Variants in ANOS1 observed in about 807,000 individuals in gnomAD.
The protein encoded by ANOS1 is anosmin-1.
Under a neutral mutation model 59.0 loss-of-function variants are expected in ANOS1, and 6 were observed. The observed-to-expected ratio is 0.10, with a 90% CI of 0.06 to 0.20. The LOEUF is 0.20. ANOS1 is among the 10% of genes least tolerant of loss of function. The pLI is 1.00. For synonymous variants in ANOS1, 217 were observed against 223.4 expected (o/e 0.97, Z 0.25); for missense variants, 433 against 542.3 (o/e 0.80, Z 2.00).
chrX:8,560,018 T>C (rs747925321), intron 8 of ANOS1, among the ~76,000 whole-genome samples: 1 of 112,336 alleles, frequency 8.9e-6, no homozygotes, highest in East Asian at 2.8e-4. Flanking sequence ...TGGCTGTTTA[T>C]ACCAAATATA....
intron 2 of ANOS1, among the ~76,000 whole-genome samples, chrX:8,666,892 G>T (rs1184643179): frequency 1.8e-5 from 2 of 111,119 alleles, no homozygotes; most frequent in Non-Finnish European, 3.8e-5. Flanking sequence ...GAGGTTGAGG[G>T]GGGCCCAGAC....
chrX:8,691,518 TGGATGGATGGAC>T (rs1932607969), intron 2 of ANOS1, among the ~76,000 whole-genome samples: 1 of 111,352 alleles, frequency 9.0e-6, no homozygotes, highest in African/African-American at 3.3e-5. Context: ...GATGGATGGA[TGGATGGATGGAC>T]GGATGGATGG....
chrX:8,687,863 A>G (rs1932547877), intron 2 of ANOS1, among the ~76,000 whole-genome samples: 1 of 112,071 alleles, frequency 8.9e-6, no homozygotes, highest in African/African-American at 3.2e-5. Context: ...AAGAGTTTCT[A>G]TGTTCACCCA....
At chrX:8,628,694 A>G (rs760628348) in intron 2 of ANOS1, among the ~76,000 whole-genome samples, 1 of 112,644 alleles carries the variant, frequency 8.9e-6, no homozygotes, top group East Asian at 2.8e-4. Context: ...ATTTTTAGCA[A>G]AGGTTTTAGG....
chrX:8,670,377 G>A (rs1055421825), intron 2 of ANOS1, among the ~76,000 whole-genome samples: 1 of 111,316 alleles, frequency 9.0e-6, no homozygotes, highest in Non-Finnish European at 1.9e-5. Context: ...GATGGATGCA[G>A]CCGAGAGTTG....
chrX:8,644,126 G>A (rs762821480), intron 2 of ANOS1, among the ~76,000 whole-genome samples: 125 of 111,874 alleles, frequency 1.1e-3, no homozygotes, highest in African/African-American at 3.9e-3. Flanking sequence ...ATATTCTACA[G>A]AGTTTGACTC....
At position 8,597,191 on chromosome X, in the gene ANOS1, C is replaced by T; in HGVS notation, c.384G>A (p.Leu128=). 2 of 1,211,586 alleles carry T rather than the reference C, an allele frequency of 1.7e-6. No individual in the cohort carries two copies. Among genetic ancestry groups the T allele is most frequent in the Non-Finnish European group, 2.2e-6 (2 of 895,286 alleles). The stretch of plus-strand genomic sequence containing the variant: ...GAGCCGGACAGTCCCCCTGCTTCAC[C>T]AACAGGATGTATTTGAGGAACTCAC... The part of the protein sequence containing the change: ...TSCEFLKYIL[L]VKQGDCPAPE... Residue 128 remains leucine (L), a synonymous_variant, in exon 4 of 14, where the codon TTG becomes TTA. Coordinates refer to ENST00000262648, the MANE Select transcript of ANOS1 (RefSeq NM_000216.4).
At chrX:8,580,312 A>G (rs1341904995) in intron 6 of ANOS1, among the ~76,000 whole-genome samples, 1 of 112,249 alleles carries the variant, frequency 8.9e-6, no homozygotes, top group Non-Finnish European at 1.9e-5. Context: ...CATCTCAAGT[A>G]CCAGGAAGAA....
chrX:8,591,772 G>A (rs763747638), intron 4 of ANOS1, among the ~76,000 whole-genome samples: 10 of 112,199 alleles, frequency 8.9e-5, no homozygotes, highest in African/African-American at 3.2e-4. Flanking sequence ...CCTCACTGCC[G>A]GGGCGCACAG....
rs1007590497 is a variant in ANOS1 at position 8,601,736 on chromosome X, G to T, written c.319-4480C>A. On this transcript the variant is annotated intron_variant, in intron 3 of 13. Coordinates refer to ENST00000262648, the MANE Select transcript of ANOS1 (RefSeq NM_000216.4). ...CTTGAAATAATACAGGTAACATTAT[G>T]AATATTACATGAGGTAACACACACA... Among the ~76,000 whole-genome samples, 3 of 112,218 alleles carry T rather than the reference G, an allele frequency of 2.7e-5. No individual in the cohort carries two copies. In the East Asian group the frequency reaches 8.4e-4, roughly 31 times the overall value.
At chrX:8,710,598 G>A (rs750776894) in intron 1 of ANOS1, among the ~76,000 whole-genome samples, 11 of 111,578 alleles carry the variant, frequency 9.9e-5, no homozygotes, top group African/African-American at 2.0e-4. Context: ...AATGTAACTC[G>A]TTAATGACAT....
chrX:8,634,572 C>T lies in ANOS1; in HGVS notation c.256-10902G>A, dbSNP rs946116341. Among the ~76,000 whole-genome samples, 6 of 111,415 alleles carry T rather than the reference C, an allele frequency of 5.4e-5. No homozygotes were observed. In the South Asian group the frequency reaches 2.3e-3, roughly 42 times the overall value. The stretch of plus-strand genomic sequence containing the variant: ...AGAGTTGAGTAGTTGCAACAGATGA[C>T]CAAGCCAGCAAAGAATATTTATAAA... On this transcript the variant is annotated intron_variant, in intron 2 of 13. Coordinates refer to ENST00000262648, the MANE Select transcript of ANOS1 (RefSeq NM_000216.4).
intron 4 of ANOS1, among the ~76,000 whole-genome samples, chrX:8,594,664 A>ATATATATATATATATATATATGTG (rs2146824807): frequency 5.7e-5 from 1 of 17,519 alleles, no homozygotes; most frequent in Admixed American, 6.7e-4. Flanking sequence ...ATGTGTATAT[A>ATATATATATATATATATATATGTG]TATATATATA....
intron 9 of ANOS1, among the ~76,000 whole-genome samples, chrX:8,544,313 T>G (rs1373535540): frequency 1.1e-5 from 1 of 88,896 alleles, no homozygotes; most frequent in Non-Finnish European, 2.2e-5. Flanking sequence ...CTTAGAGAGG[T>G]GTCACAGAAT....
At chrX:8,568,124 C>T in intron 8 of ANOS1, 108 bp downstream of exon 8, 1 of 783,848 alleles carries the variant, frequency 1.3e-6, no homozygotes, top group South Asian at 2.2e-5. Flanking sequence ...GAAGATTTGC[C>T]ATATAATTAT....
rs369616611 is a variant in ANOS1 at position 8,610,682 on chromosome X, G to A, written c.318+12926C>T. 3.8e-4 allele frequency among the ~76,000 whole-genome samples: 43 copies of A among 111,828 alleles called. No individual in the cohort carries two copies. In the East Asian group the frequency reaches 5.1e-3, roughly 13 times the overall value. The stretch of plus-strand genomic sequence containing the variant: ...AACTCACATTTCAACCAGTCAGAGT[G>A]CAGAGAATGCACAATTCATGAAGCA... On this transcript the variant is annotated intron_variant, in intron 3 of 13. Coordinates refer to ENST00000262648, the MANE Select transcript of ANOS1 (RefSeq NM_000216.4).
intron 1 of ANOS1, among the ~76,000 whole-genome samples, chrX:8,721,705 G>C (rs1012672753): frequency 1.8e-5 from 2 of 112,410 alleles, no homozygotes; most frequent in African/African-American, 6.5e-5. Context: ...AATTCAACCA[G>C]ATTAGCAAGA....
At chrX:8,728,317 G>A (rs752454294) in intron 1 of ANOS1, among the ~76,000 whole-genome samples, 1 of 112,023 alleles carries the variant, frequency 8.9e-6, no homozygotes, top group Non-Finnish European at 1.9e-5. Context: ...ATACCCAGAA[G>A]AGTGGCTGCT....
Position 8,584,412 on chromosome X carries a change from T to C in ANOS1, c.856+855A>G, listed in dbSNP as rs7880215. 1.8e-3 allele frequency among the ~76,000 whole-genome samples: 197 copies of C among 108,145 alleles called. 1 individual carries two copies. The highest frequency in any genetic ancestry group is 6.4e-3 in the African/African-American group (188 of 29,441). 93.9% of individuals were successfully genotyped at this position (108,145 alleles called of 115,157 possible). On this transcript the variant is annotated intron_variant, in intron 6 of 13. Transcript: ENST00000262648. ...TGAGGAGAAAAAAAAAGTGTTTTGT[T>C]TGTTTGTTTGTTTGTTTTTAAAAAA...
Sources: gnomAD v4.1 joint callset for allele counts (sites outside exome capture counted in the v4.1 genomes callset) on GRCh38, gnomAD v4.1.1 for gene constraint, MANE v1.5 for transcripts, NCBI Gene and HGNC (gene_info 2026-07-23, HGNC 2026-07-21) for gene names.